The following PDE8B variants were observed in gnomAD, a reference collection of about 807,000 sequenced individuals.
PDE8B encodes phosphodiesterase 8B, also known as high affinity cAMP-specific and IBMX-insensitive 3',5'-cyclic phosphodiesterase 8B.
A neutral mutation model predicts 101.3 loss-of-function variants in PDE8B; 26 were observed. The ratio of observed to expected loss-of-function variants is 0.26; its 90% CI spans 0.19 to 0.36. PDE8B has a LOEUF of 0.36. Ranked by LOEUF, PDE8B falls within the 10% of genes least tolerant of loss-of-function variation. The probability of loss-of-function intolerance (pLI) is 1.00; values close to 1 mark genes in which losing one functional copy is unlikely to be tolerated. For missense variants in PDE8B, 810 were observed against 1,163.1 expected, an observed-to-expected ratio of 0.70 and a Z score of 4.42; for synonymous variants, 424 against 429.3, an observed-to-expected ratio of 0.99 and a Z score of 0.15.
intron 2 of PDE8B, among the ~76,000 whole-genome samples, chr5:77,319,628 T>C (rs960150161): frequency 6.6e-6 from 1 of 152,222 alleles, no homozygotes; most frequent in African/African-American, 2.4e-5. Context: ...ATTCTAGACA[T>C]GTAGCTGGTA....
At chr5:77,227,179 A>T (rs1378851501) in intron 1 of PDE8B, among the ~76,000 whole-genome samples, 1 of 152,142 alleles carries the variant, frequency 6.6e-6, no homozygotes, top group Non-Finnish European at 1.5e-5. Flanking sequence ...GAATGCATAG[A>T]TGTATATTCT....
Position 77,407,460 on chromosome 5 carries a change from G to A in PDE8B, c.1365+3G>A, listed in dbSNP as rs746384102. The A allele has an allele frequency of 1.2e-6, 2 of 1,610,392 alleles. No individual in the cohort carries two copies. Among genetic ancestry groups the A allele is most frequent in the Non-Finnish European group, 1.7e-6 (2 of 1,176,950 alleles). On this transcript the variant is annotated splice_donor_region_variant and intron_variant, in intron 13 of 21. Coordinates refer to ENST00000264917, the MANE Select transcript of PDE8B (RefSeq NM_003719.5). ...CCATCGAGGCTCCCATCACAAAGGT[G>A]AGTGGCGGCTGCTGCCTGCACTCTG...
intron 1 of PDE8B, among the ~76,000 whole-genome samples, chr5:77,299,645 G>A (rs1412102190): frequency 6.6e-6 from 1 of 151,840 alleles, no homozygotes; most frequent in Non-Finnish European, 1.5e-5. Context: ...GTGTATATAT[G>A]CCACATTTTC....
intron 2 of PDE8B, among the ~76,000 whole-genome samples, chr5:77,321,573 A>G (rs567633298): frequency 1.3e-5 from 2 of 152,300 alleles, no homozygotes; most frequent in Admixed American, 6.5e-5. Context: ...GATGGGAACA[A>G]AGAGTCCAAT....
At chr5:77,379,053 C>T (rs1056013192) in intron 10 of PDE8B, among the ~76,000 whole-genome samples, 2 of 152,158 alleles carry the variant, frequency 1.3e-5, no homozygotes, top group Non-Finnish European at 2.9e-5. Flanking sequence ...GAGATAAGGA[C>T]ACATAAATGA....
chr5:77,114,659 A>G, the PDE8B span: 1 of 152,256 alleles, frequency 6.6e-6, no homozygotes. Flanking sequence ...CCGAAAGTAT[A>G]TTAAAAAAAA....
At position 77,335,337 on chromosome 5, in the gene PDE8B, T is replaced by A. The variant is rs116937066; in HGVS notation, c.709-1890T>A. ...TATCCATCTAAAAGCTCAAATGGAA[T>A]CTAACCATGTTTAACTTTGCTCTGT... On this transcript the variant is annotated intron_variant, in intron 5 of 21. Transcript: ENST00000264917. Among the ~76,000 whole-genome samples the A allele has an allele frequency of 1.2e-3, 188 of 152,328 alleles. 3 individuals are homozygous for A. In the East Asian group the frequency reaches 0.035, roughly 28 times the overall value.
chr5:77,360,261 C>T (rs1581233155), intron 10 of PDE8B, among the ~76,000 whole-genome samples: 1 of 42,646 alleles, frequency 2.3e-5, no homozygotes, highest in South Asian at 9.7e-4. Flanking sequence ...GGTTTTTTCC[C>T]GATAAGTTTA....
chr5:77,396,997 T>C (rs1791194501), intron 10 of PDE8B, among the ~76,000 whole-genome samples: 1 of 150,938 alleles, frequency 6.6e-6, no homozygotes, highest in East Asian at 1.9e-4. Context: ...AAAAGGCATT[T>C]GAGTTGGTTT....
the PDE8B span, among the ~76,000 whole-genome samples, chr5:77,109,927 G>GTTTTTTTTTTTTTTTTTTTTTTTTTTTT: frequency 7.4e-5 from 5 of 67,234 alleles, 2 homozygotes; most frequent in African/African-American, 2.9e-4. Context: ...TTGTATTTCA[G>GTTTTTTTTTTTTTTTTTTTTTTTTTTTT]TTTTTTTTTT....
In PDE8B at chr5:77,356,555, A is replaced by G. The variant is rs774721148; in HGVS notation, c.1167+3149A>G. ...AGTGATTCTCCTGCCTCAGCCTCCC[A>G]AGTAACTGGGATTATAGGTTTGCGC... On this transcript the variant is annotated intron_variant, in intron 10 of 21. Coordinates refer to ENST00000264917, the MANE Select transcript of PDE8B (RefSeq NM_003719.5). Among the ~76,000 whole-genome samples, 96 of 152,018 alleles carry G rather than the reference A, an allele frequency of 6.3e-4. 1 individual carries two copies. Among genetic ancestry groups the G allele is most frequent in the Middle Eastern group, 3.4e-3 (1 of 294 alleles).
rs1268664303 is a variant in PDE8B, at chr5:77,426,835, C to T, written c.*281C>T. On this transcript the variant is annotated 3_prime_UTR_variant, in exon 22 of 22. Coordinates refer to ENST00000264917, the MANE Select transcript of PDE8B (RefSeq NM_003719.5). ...TGTGTACCCTTGTCAATCCATGGAG[C>T]TGGTTCACTGTAACTAGCAGGCCAC... 5.1e-6 allele frequency: 2 copies of T among 393,846 alleles called. No individual in the cohort carries two copies. Among genetic ancestry groups the T allele is most frequent in the South Asian group, 2.2e-5 (1 of 45,146 alleles). The allele number at this position is 393,846 out of a possible 1,614,324, so 24.4% of individuals were successfully genotyped here. A position where few individuals can be genotyped will look rare whatever the true frequency, so the allele number is the denominator to read the frequency against.
intron 10 of PDE8B, among the ~76,000 whole-genome samples, chr5:77,365,469 A>T (rs1275513071): frequency 6.6e-6 from 1 of 152,176 alleles, no homozygotes; most frequent in African/African-American, 2.4e-5. Flanking sequence ...TATAATTCTC[A>T]CAAGGAAGAC....
At chr5:77,282,078 C>A (rs1765123954) in intron 1 of PDE8B, among the ~76,000 whole-genome samples, 1 of 152,110 alleles carries the variant, frequency 6.6e-6, no homozygotes, top group African/African-American at 2.4e-5. Context: ...CACATGCAAT[C>A]CTGTTCAGCC....
chr5:77,423,257 A>G (rs2151207423), intron 20 of PDE8B, among the ~76,000 whole-genome samples: 1 of 152,314 alleles, frequency 6.6e-6, no homozygotes, highest in South Asian at 2.1e-4. Flanking sequence ...CATCCAGTCC[A>G]CCAATGATGG....
rs980063460 is a variant in PDE8B at position 77,211,118 on chromosome 5, G to C, written c.193G>C (p.Ala65Pro). The change falls in exon 1 of 22, where the codon GCC becomes CCC. Residue 65 changes from alanine to proline, a missense_variant. Around this residue, in one of 4 missense-constraint regions of PDE8B, gnomAD observed 159 missense variants for 146.6 expected, o/e 1.08. Transcript: ENST00000264917. This position sits in a 1 kb window ranked among gnomAD's most constrained non-coding sequence, Gnocchi z 4.1. Reference sequence around the variant, plus strand: ...CCGCGCGTCGGGACCCCCCAGCGTAGCCCGCGTCCGCAGGGCCCGCACCGA... The same window carrying C: ...CCGCGCGTCGGGACCCCCCAGCGTACCCCGCGTCCGCAGGGCCCGCACCGA... ...PSRASGPPSV[A>P]RVRRARTELG... is the part of the protein sequence containing the mutation. 1.9e-5 allele frequency: 28 copies of C among 1,504,184 alleles called. No homozygotes were observed. Among genetic ancestry groups the C allele is most frequent in the Non-Finnish European group, 2.4e-5 (27 of 1,133,950 alleles). 93.2% of individuals were successfully genotyped at this position (1,504,184 alleles called of 1,614,324 possible). A position where few individuals can be genotyped will look rare whatever the true frequency, so the allele number is the denominator to read the frequency against.
chr5:77,203,063 T>C, the PDE8B span, among the ~76,000 whole-genome samples: 1 of 152,250 alleles, frequency 6.6e-6, no homozygotes, highest in Non-Finnish European at 1.5e-5. Context: ...GCCAAACTGC[T>C]TAGTCTGGCA....
At chr5:77,225,596 C>T (rs12516568) in intron 1 of PDE8B, among the ~76,000 whole-genome samples, 18,359 of 151,988 alleles carry the variant, frequency 0.12, 1,417 homozygotes, top group East Asian at 0.31. Context: ...GGTATGATCT[C>T]GGGTGTTCAT....
At chr5:77,311,679 C>T (rs907718389) in intron 1 of PDE8B, among the ~76,000 whole-genome samples, 2 of 152,156 alleles carry the variant, frequency 1.3e-5, no homozygotes, top group Non-Finnish European at 2.9e-5. Context: ...TTCTTTTCTT[C>T]CATAAAATAG....
Sources: gnomAD v4.1 joint callset for allele counts (sites outside exome capture counted in the v4.1 genomes callset) on GRCh38, gnomAD v4.1.1 for gene constraint, gnomAD v4.1.1 regional missense constraint, Gnocchi (gnomAD v3.1) non-coding constraint, MANE v1.5 for transcripts, NCBI Gene and HGNC (gene_info 2026-07-23, HGNC 2026-07-21) for gene names.